The following PDGFRL variants were observed in gnomAD, a reference collection of about 807,000 sequenced individuals.
PDGFRL encodes the protein platelet derived growth factor receptor like, also known as platelet-derived growth factor receptor-like protein.
Under a neutral mutation model 37.2 loss-of-function variants are expected in PDGFRL, and 46 were observed. The observed-to-expected ratio is 1.24, with a 90% CI of 0.98 to 1.58. PDGFRL has a LOEUF of 1.58. PDGFRL is among the 40% of genes most tolerant of loss of function. The probability of loss-of-function intolerance (pLI) is 0.00; values close to 1 mark genes in which losing one functional copy is unlikely to be tolerated. For synonymous variants in PDGFRL, 251 were observed against 184.3 expected, an observed-to-expected ratio of 1.36 and a Z score of -2.93; for missense variants, 692 against 467.6, an observed-to-expected ratio of 1.48 and a Z score of -4.43.
intron 1 of PDGFRL, among the ~76,000 whole-genome samples, chr8:17,588,793 G>T (rs982634755): frequency 6.6e-6 from 1 of 152,156 alleles, no homozygotes; most frequent in African/African-American, 2.4e-5. Flanking sequence ...ACAACATATA[G>T]ACTGCAAAGT....
intron 2 of PDGFRL, among the ~76,000 whole-genome samples, chr8:17,612,317 T>C (rs879596738): frequency 3.3e-5 from 5 of 152,202 alleles, no homozygotes; most frequent in Admixed American, 6.5e-5. Context: ...GCTTTTATTA[T>C]AGCTTTTCTT....
chr8:17,642,863 G>A lies in PDGFRL; in HGVS notation c.*62G>A, dbSNP rs1052895930. 3.6e-6 allele frequency: 4 copies of A among 1,119,124 alleles called. No homozygotes were observed. The highest frequency in any genetic ancestry group is 1.5e-5 in the African/African-American group (1 of 64,604). 69.3% of individuals were successfully genotyped at this position (1,119,124 alleles called of 1,614,324 possible). A position where few individuals can be genotyped will look rare whatever the true frequency, so the allele number is the denominator to read the frequency against. Reference sequence around the variant, plus strand: ...CATTTGTGTACACAGTCAGCTTTGGGGTTCCTTTTATTAGTGCTTTGCCAG... The same window carrying A: ...CATTTGTGTACACAGTCAGCTTTGGAGTTCCTTTTATTAGTGCTTTGCCAG... On this transcript the variant is annotated 3_prime_UTR_variant, in exon 6 of 6. Transcript: ENST00000251630.
intron 3 of PDGFRL, among the ~76,000 whole-genome samples, chr8:17,626,158 A>G (rs1804729653): frequency 6.6e-6 from 1 of 152,248 alleles, no homozygotes; most frequent in Non-Finnish European, 1.5e-5. Context: ...TGTTGCTAAG[A>G]AAACATCTTC....
At chr8:17,630,991 C>T (rs1804849639) in intron 4 of PDGFRL, among the ~76,000 whole-genome samples, 1 of 152,062 alleles carries the variant, frequency 6.6e-6, no homozygotes, top group African/African-American at 2.4e-5. Flanking sequence ...GACTCCAGAG[C>T]ACGTGGCCAC....
chr8:17,582,843 C>T (rs563354753), intron 1 of PDGFRL, among the ~76,000 whole-genome samples: 1 of 152,216 alleles, frequency 6.6e-6, no homozygotes, highest in African/African-American at 2.4e-5. Context: ...GAGCCCCTCC[C>T]ATCCCAGGCC....
intron 2 of PDGFRL, among the ~76,000 whole-genome samples, chr8:17,613,746 G>A (rs1233327185): frequency 6.6e-6 from 1 of 152,156 alleles, no homozygotes; most frequent in African/African-American, 2.4e-5. Flanking sequence ...AGGCATGGTA[G>A]TGTGCACTTG....
intron 4 of PDGFRL, among the ~76,000 whole-genome samples, chr8:17,632,086 C>T (rs1804873533): frequency 6.6e-6 from 1 of 152,206 alleles, no homozygotes. Flanking sequence ...GTTCTTCCTC[C>T]TCCTCTGCCT....
At chr8:17,591,002 C>T (rs1378421821) in intron 2 of PDGFRL, among the ~76,000 whole-genome samples, 1 of 151,918 alleles carries the variant, frequency 6.6e-6, no homozygotes, top group African/African-American at 2.4e-5. Context: ...CCTGCCTCAG[C>T]CTCCCAAGTA....
In PDGFRL at chr8:17,641,454, T is replaced by C. The variant is rs537541483; in HGVS notation, c.940-1159T>C. 1.5e-3 allele frequency among the ~76,000 whole-genome samples: 221 copies of C among 152,282 alleles called. 1 individual carries two copies. The highest frequency in any genetic ancestry group is 2.5e-3 in the South Asian group (12 of 4,824). On this transcript the variant is annotated intron_variant, in intron 5 of 5. Transcript: ENST00000251630. ...CTTCCTTGGGGACTGAGAGAGCCCATAGGGCTCTTTCTGCTGCTCCTTTCT... is the reference window on the plus strand; with the variant it reads ...CTTCCTTGGGGACTGAGAGAGCCCACAGGGCTCTTTCTGCTGCTCCTTTCT...
Position 17,589,711 on chromosome 8 carries a change from G to C in PDGFRL, c.299G>C (p.Arg100Thr), listed in dbSNP as rs374394944. The C allele has an allele frequency of 6.2e-7, 1 of 1,613,642 alleles. No individual in the cohort carries two copies. Among genetic ancestry groups the C allele is most frequent in the Non-Finnish European group, 8.5e-7 (1 of 1,179,662 alleles). Reference sequence around the variant, plus strand: ...GTAGAGCTTCGATGTAAAGGGAGTAGAATTGGGTGGAGCTACCCTGCGTAT... The same window carrying C: ...GTAGAGCTTCGATGTAAAGGGAGTACAATTGGGTGGAGCTACCCTGCGTAT... Reference protein sequence around the residue: ...QTVELRCKGSRIGWSYPAYLD... With the variant: ...QTVELRCKGSTIGWSYPAYLD... The change falls in exon 2 of 6, where the codon AGA becomes ACA. Residue 100 changes from arginine to threonine, a missense_variant. By Grantham distance (71) the Arg-to-Thr change is moderately conservative. Coordinates refer to ENST00000251630, the MANE Select transcript of PDGFRL (RefSeq NM_001372073.1).
chr8:17,640,024 G>A (rs1473543630), intron 5 of PDGFRL, among the ~76,000 whole-genome samples: 1 of 152,122 alleles, frequency 6.6e-6, no homozygotes, highest in African/African-American at 2.4e-5. Flanking sequence ...CCAAAAATCT[G>A]ATGTTCGAGT....
At chr8:17,630,390 C>T (rs1329176863) in intron 4 of PDGFRL, among the ~76,000 whole-genome samples, 1 of 152,200 alleles carries the variant, frequency 6.6e-6, no homozygotes, top group Non-Finnish European at 1.5e-5. Context: ...GCCATCCGTT[C>T]CATTGTGTTG....
chr8:17,616,985 C>G (rs559395971), intron 2 of PDGFRL, among the ~76,000 whole-genome samples: 1 of 152,308 alleles, frequency 6.6e-6, no homozygotes, highest in South Asian at 2.1e-4. Flanking sequence ...TGTCAGCTCC[C>G]TCCTCTGTGC....
chr8:17,599,138 T>C (rs1255567395), intron 2 of PDGFRL, among the ~76,000 whole-genome samples: 3 of 152,208 alleles, frequency 2.0e-5, no homozygotes, highest in Admixed American at 6.5e-5. Flanking sequence ...CTCTCTCTCT[T>C]TTAAAATTTT....
intron 4 of PDGFRL, among the ~76,000 whole-genome samples, 179 bp downstream of exon 4, chr8:17,628,959 C>T (rs1804798285): frequency 1.3e-5 from 2 of 151,978 alleles, no homozygotes; most frequent in Non-Finnish European, 2.9e-5. Context: ...TTTTGTTGCC[C>T]AGGCTGGAAT....
At chr8:17,588,683 C>G (rs1455381946) in intron 1 of PDGFRL, among the ~76,000 whole-genome samples, 2 of 152,074 alleles carry the variant, frequency 1.3e-5, no homozygotes, top group East Asian at 3.9e-4. Flanking sequence ...TAACGTTAAA[C>G]ACAAAATATT....
At chr8:17,578,925 C>G (rs1434416954) in intron 1 of PDGFRL, among the ~76,000 whole-genome samples, 1 of 152,230 alleles carries the variant, frequency 6.6e-6, no homozygotes, top group Non-Finnish European at 1.5e-5. Flanking sequence ...TCTGGCCGGG[C>G]ACAGTGGCTC....
chr8:17,642,848 C>T lies in PDGFRL; in HGVS notation c.*47C>T, dbSNP rs770144260. ...AACTTATGGAAAGCCCATTTGTGTA[C>T]ACAGTCAGCTTTGGGGTTCCTTTTA... On this transcript the variant is annotated 3_prime_UTR_variant, in exon 6 of 6. Transcript: ENST00000251630. The T allele has an allele frequency of 7.9e-7, 1 of 1,260,662 alleles. No homozygotes were observed. Among genetic ancestry groups the T allele is most frequent in the Non-Finnish European group, 1.1e-6 (1 of 869,800 alleles). 78.1% of individuals were successfully genotyped at this position (1,260,662 alleles called of 1,614,324 possible).
chr8:17,638,575 T>C (rs925051794), intron 5 of PDGFRL, among the ~76,000 whole-genome samples: 1 of 151,562 alleles, frequency 6.6e-6, no homozygotes, highest in African/African-American at 2.4e-5. Context: ...TTCTAGGTTA[T>C]AGTTTAAATC....
Sources: allele counts gnomAD v4.1 joint callset (sites outside exome capture counted in the v4.1 genomes callset), GRCh38; gene constraint gnomAD v4.1.1; transcripts MANE v1.5; gene names NCBI Gene and HGNC (gene_info 2026-07-23, HGNC 2026-07-21).